The following IFT74 variants were observed in gnomAD, a reference collection of about 807,000 sequenced individuals.
The protein encoded by IFT74 is intraflagellar transport 74, also known as intraflagellar transport protein 74 homolog.
In IFT74, 92 loss-of-function variants were observed where a neutral mutation model predicts 96.7. The observed-to-expected ratio is 0.95, with a 90% CI of 0.80 to 1.13. The LOEUF is 1.13. Among genes scored for constraint, IFT74 ranks in the 50% most tolerant of loss-of-function variants. The pLI is 0.00. For missense variants in IFT74, 811 were observed against 698.2 expected (o/e 1.16, Z -1.82); for synonymous variants, 223 against 213.2 (o/e 1.05, Z -0.40).
At chr9:27,057,487 A>C (rs370471301) in intron 18 of IFT74, among the ~76,000 whole-genome samples, 1 of 152,186 alleles carries the variant, frequency 6.6e-6, no homozygotes, top group East Asian at 1.9e-4. Flanking sequence ...GGTCTGAAAA[A>C]AATTGATCAT....
intron 8 of IFT74, among the ~76,000 whole-genome samples, chr9:27,003,924 A>G (rs1828639770): frequency 6.6e-6 from 1 of 152,200 alleles, no homozygotes; most frequent in South Asian, 2.1e-4. Flanking sequence ...AGCTCCTTCA[A>G]TGGCTTGTTT....
intron 8 of IFT74, chr9:26,998,060 AAG>A (rs763440676): frequency 8.7e-6 from 14 of 1,613,180 alleles, no homozygotes; most frequent in Admixed American, 1.7e-5. Flanking sequence ...GTTATTATGT[AAG>A]ATAGTAACCT....
chr9:27,031,781 T>TAAAATAAATAAAATAAAATGTAAAATA (rs1030206841), intron 13 of IFT74, among the ~76,000 whole-genome samples: 1 of 122,688 alleles, frequency 8.2e-6, no homozygotes, highest in Non-Finnish European at 1.7e-5. Context: ...TAAAATAAAA[T>TAAAATAAATAAAATAAAATGTAAAATA]AAATAAAATA....
intron 8 of IFT74, chr9:26,993,613 A>G (rs1313731861): frequency 6.6e-6 from 1 of 152,386 alleles, no homozygotes; most frequent in Non-Finnish European, 1.5e-5. Context: ...ATTTTATTTT[A>G]GCCTCTTTTT....
chr9:26,959,192 T>C (rs1232550122), intron 1 of IFT74, among the ~76,000 whole-genome samples: 1 of 152,198 alleles, frequency 6.6e-6, no homozygotes, highest in East Asian at 1.9e-4. Context: ...CACTGCAAGC[T>C]CTGCCTTCCG....
chr9:27,012,037 A>C, intron 10 of IFT74, 69 bp downstream of exon 10: 1 of 918,520 alleles, frequency 1.1e-6, no homozygotes, highest in East Asian at 2.8e-5. Flanking sequence ...CAAGTATATT[A>C]ATATAACTAA....
intron 8 of IFT74, chr9:26,999,476 G>T: frequency 1.9e-6 from 1 of 520,860 alleles, no homozygotes; most frequent in Non-Finnish European, 3.2e-6. Context: ...TTGGAATTTG[G>T]ATATACAGAG....
intron 1 of IFT74, among the ~76,000 whole-genome samples, chr9:26,957,026 T>A (rs1378160877): frequency 6.6e-6 from 1 of 152,232 alleles, no homozygotes; most frequent in Non-Finnish European, 1.5e-5. Flanking sequence ...GATGAAATCC[T>A]GAGGGGTTAA....
At chr9:26,976,321 A>T (rs1279121984) in intron 2 of IFT74, among the ~76,000 whole-genome samples, 4 of 152,200 alleles carry the variant, frequency 2.6e-5, no homozygotes, top group African/African-American at 9.6e-5. Context: ...TACTCAAACA[A>T]AGGATTTCTC....
chr9:27,028,986 A>T (rs774822873), intron 12 of IFT74, 39 bp from the exon 13 acceptor site: 5 of 1,519,630 alleles, frequency 3.3e-6, no homozygotes, highest in Non-Finnish European at 4.5e-6. Context: ...TTGAATGTCT[A>T]TATTTCCTTC....
chr9:26,977,992 C>T, intron 2 of IFT74, 136 bp from the exon 3 acceptor site: 1 of 641,272 alleles, frequency 1.6e-6, no homozygotes, highest in Non-Finnish European at 2.6e-6. Context: ...ATAATTCAGA[C>T]ATTTAAAAAA....
At chr9:26,982,259 A>T (rs781639630) in intron 4 of IFT74, 1 of 307,734 alleles carries the variant, frequency 3.2e-6, no homozygotes, top group Non-Finnish European at 6.1e-6. Context: ...TAATTAATTC[A>T]TAAGCTTTTT....
chr9:27,031,466 TAA>T (rs879774531), intron 13 of IFT74, among the ~76,000 whole-genome samples: 1 of 143,072 alleles, frequency 7.0e-6, no homozygotes, highest in Admixed American at 7.1e-5. Flanking sequence ...GACTCCGTCT[TAA>T]AAAAAAAAAA....
Position 27,055,687 on chromosome 9 carries a change from A to C in IFT74, c.1412A>C (p.Lys471Thr), listed in dbSNP as rs749597224. 3 of 1,593,872 alleles carry C rather than the reference A, an allele frequency of 1.9e-6. No homozygotes were observed. The East Asian group carries it at 6.9e-5, about 37-fold the overall frequency. Residue 471 changes from lysine (K) to threonine (T), a missense_variant, in exon 17 of 20, where the codon AAA becomes ACA. By Grantham distance (78) the Lys-to-Thr change is moderately conservative (BLOSUM62 -1). Coordinates refer to ENST00000380062, the MANE Select transcript of IFT74 (RefSeq NM_025103.4). ...SKMTEEQHSLKSKIKQMTTDL... is the reference protein window; with the variant it reads ...SKMTEEQHSLTSKIKQMTTDL... ...ATGACTGAAGAACAGCATTCTCTAA[A>C]AAGCAAAATTAAGCAAATGACAACT...
intron 10 of IFT74, 72 bp downstream of exon 10, chr9:27,012,040 A>G: frequency 3.3e-6 from 3 of 920,850 alleles, no homozygotes; most frequent in South Asian, 1.8e-5. Flanking sequence ...GTATATTAAT[A>G]TAACTAATTC....
chr9:27,059,395 A>G (rs1275466476), intron 18 of IFT74, among the ~76,000 whole-genome samples: 1 of 152,212 alleles, frequency 6.6e-6, no homozygotes, highest in East Asian at 1.9e-4. Flanking sequence ...AAAGGAGTCA[A>G]TAATATAGAG....
intron 16 of IFT74, among the ~76,000 whole-genome samples, chr9:27,053,241 G>A (rs941851809): frequency 4.1e-5 from 6 of 145,704 alleles, no homozygotes; most frequent in African/African-American, 1.5e-4. Flanking sequence ...ATATTATAAT[G>A]GCCCTCCAGA....
intron 8 of IFT74, chr9:27,005,450 G>A (rs1340672378): frequency 7.4e-6 from 1 of 134,382 alleles, no homozygotes; most frequent in African/African-American, 2.8e-5. Context: ...GTATTTTTGA[G>A]GTAGACCATG....
intron 6 of IFT74, among the ~76,000 whole-genome samples, chr9:26,987,136 G>A (rs1460230097): frequency 6.6e-6 from 1 of 151,970 alleles, no homozygotes; most frequent in South Asian, 2.1e-4. Context: ...TGTAACCTCC[G>A]CCTCTTGGGT....
Sources: gnomAD v4.1 joint callset for allele counts (sites outside exome capture counted in the v4.1 genomes callset) on GRCh38, gnomAD v4.1.1 for gene constraint, MANE v1.5 for transcripts, NCBI Gene and HGNC (gene_info 2026-07-23, HGNC 2026-07-21) for gene names.